SOX6: variants seen among roughly 807,000 people sequenced by gnomAD.
The protein encoded by SOX6 is SRY-box transcription factor 6, also known as transcription factor SOX-6.
In SOX6, 11 loss-of-function variants were observed where a neutral mutation model predicts 97.8. The observed-to-expected ratio is 0.11, with a 90% confidence interval of 0.07 to 0.19. The LOEUF is 0.19. Among genes scored for constraint, SOX6 ranks in the 10% least tolerant of loss-of-function variants. The pLI, the probability that SOX6 is intolerant of heterozygous loss-of-function variation, is 1.00. For missense variants in SOX6, 810 were observed against 1,039.5 expected (o/e 0.78, Z 3.04); for synonymous variants, 360 against 371.4 (o/e 0.97, Z 0.35).
intron 6 of SOX6, among the ~76,000 whole-genome samples, chr11:16,163,115 G>A: frequency 6.6e-6 from 1 of 150,954 alleles, no homozygotes; most frequent in Non-Finnish European, 1.5e-5. Context: ...AAAAGAGGAG[G>A]GAAGAGAAAA....
chr11:15,974,545 C>T (rs113707767), intron 15 of SOX6, among the ~76,000 whole-genome samples: 39,200 of 120,624 alleles, frequency 0.32, 7,624 homozygotes, highest in Non-Finnish European at 0.42. Flanking sequence ...CCCCCCTCCC[C>T]CGACCCGACC....
At chr11:16,395,397 C>T (rs139988094) in intron 1 of SOX6, among the ~76,000 whole-genome samples, 1 of 151,578 alleles carries the variant, frequency 6.6e-6, no homozygotes, top group East Asian at 1.9e-4. Flanking sequence ...TAAACAGGGA[C>T]CTGAAGAATG....
intron 4 of SOX6, among the ~76,000 whole-genome samples, chr11:16,556,712 T>C (rs1005804331): frequency 6.6e-6 from 1 of 151,822 alleles, no homozygotes; most frequent in Non-Finnish European, 1.5e-5. Flanking sequence ...TTCATTCAAA[T>C]TGCTGCTAAT....
At chr11:16,392,982 T>G (rs1242003058) in intron 1 of SOX6, among the ~76,000 whole-genome samples, 1 of 152,104 alleles carries the variant, frequency 6.6e-6, no homozygotes, top group Non-Finnish European at 1.5e-5. Flanking sequence ...GTCAAGTCCC[T>G]AATTCTTTCT....
chr11:16,665,776 T>C (rs1001002489), intron 3 of SOX6, among the ~76,000 whole-genome samples: 12 of 152,168 alleles, frequency 7.9e-5, no homozygotes, highest in African/African-American at 2.9e-4. Flanking sequence ...CCCAGTGCAG[T>C]CGCAGTGGTG....
chr11:16,717,710 A>G (rs145129675), intron 2 of SOX6, among the ~76,000 whole-genome samples: 1 of 152,272 alleles, frequency 6.6e-6, no homozygotes, highest in East Asian at 1.9e-4. Context: ...CTTGTTTGTA[A>G]ACAAGTTTAG....
chr11:16,466,510 G>A (rs1860035036), intron 1 of SOX6, among the ~76,000 whole-genome samples: 1 of 151,492 alleles, frequency 6.6e-6, no homozygotes, highest in Non-Finnish European at 1.5e-5. Flanking sequence ...TGCAACAAAA[G>A]AAACTATCGA....
chr11:16,074,787 T>C (rs1052976262), intron 9 of SOX6, among the ~76,000 whole-genome samples: 18 of 152,104 alleles, frequency 1.2e-4, no homozygotes, highest in African/African-American at 4.3e-4. Flanking sequence ...AAAATGGCCA[T>C]ACTGCCAAAA....
At chr11:15,984,828 A>G (rs576223203) in intron 15 of SOX6, among the ~76,000 whole-genome samples, 1 of 152,340 alleles carries the variant, frequency 6.6e-6, no homozygotes, top group South Asian at 2.1e-4. Flanking sequence ...GTGATAGGAA[A>G]TACATATTAA....
chr11:16,689,202 T>C (rs1316630521), intron 3 of SOX6, among the ~76,000 whole-genome samples: 1 of 152,178 alleles, frequency 6.6e-6, no homozygotes, highest in Non-Finnish European at 1.5e-5. Flanking sequence ...TGAAGACCCA[T>C]GGGGTACCCT....
intron 13 of SOX6, among the ~76,000 whole-genome samples, chr11:15,991,587 AT>A (rs1854053595): frequency 1.3e-5 from 2 of 152,218 alleles, no homozygotes; most frequent in Non-Finnish European, 2.9e-5. Context: ...TTTCAATATT[AT>A]TCTAAGTTAA....
In SOX6 at chr11:16,046,570, C is replaced by G. The variant is rs562385252; in HGVS notation, c.1567G>C (p.Asp523His). ...EQQQQQPHGVDGKLSSINNMG... is the reference protein window; with the variant it reads ...EQQQQQPHGVHGKLSSINNMG... Reference sequence around the variant, plus strand: ...TTATTTATGGAGGACAGTTTCCCGTCAACACCATGTGGCTGTTGCTGCTGT... The same window carrying G: ...TTATTTATGGAGGACAGTTTCCCGTGAACACCATGTGGCTGTTGCTGCTGT... The change falls in exon 12 of 16, where the codon GAC becomes CAC. Residue 523 changes from aspartate (D) to histidine (H), a missense_variant. Asp to His is a moderately conservative substitution (Grantham distance 81). Around this residue, in one of 9 missense-constraint regions of SOX6, gnomAD observed 120 missense variants for 127.0 expected, o/e 0.94. Coordinates refer to ENST00000683767, the MANE Select transcript of SOX6 (RefSeq NM_001367873.1). The G allele has an allele frequency of 6.2e-7, 1 of 1,613,768 alleles. No individual in the cohort carries two copies. The highest frequency in any genetic ancestry group is 1.3e-5 in the African/African-American group (1 of 75,026).
At chr11:16,216,886 G>T (rs1852388783) in intron 4 of SOX6, among the ~76,000 whole-genome samples, 1 of 152,114 alleles carries the variant, frequency 6.6e-6, no homozygotes, top group African/African-American at 2.4e-5. Context: ...ATCCATCTGG[G>T]AGGGCAACAG....
chr11:16,443,673 C>A (rs1016087294), intron 1 of SOX6, among the ~76,000 whole-genome samples: 4 of 151,842 alleles, frequency 2.6e-5, no homozygotes, highest in African/African-American at 9.7e-5. Flanking sequence ...ATCTTGCTAC[C>A]CTGATAGTGA....
At chr11:16,598,020 A>C (rs570353500) in intron 4 of SOX6, among the ~76,000 whole-genome samples, 9 of 152,174 alleles carry the variant, frequency 5.9e-5, no homozygotes, top group Admixed American at 5.9e-4. Context: ...ATTACATAGC[A>C]ATTATGTAGT....
At chr11:16,214,916 A>G (rs1459846031) in intron 4 of SOX6, among the ~76,000 whole-genome samples, 1 of 151,740 alleles carries the variant, frequency 6.6e-6, no homozygotes, top group Non-Finnish European at 1.5e-5. Flanking sequence ...CACCCAGCTA[A>G]TTTTTGTATT....
chr11:16,652,656 A>C (rs1847669968), intron 3 of SOX6, among the ~76,000 whole-genome samples: 1 of 152,190 alleles, frequency 6.6e-6, no homozygotes, highest in South Asian at 2.1e-4. Context: ...AAACCCTAAA[A>C]ATTCTAGAAG....
intron 4 of SOX6, among the ~76,000 whole-genome samples, chr11:16,524,864 G>C (rs1333502192): frequency 1.3e-5 from 2 of 152,154 alleles, no homozygotes; most frequent in Admixed American, 1.3e-4. Flanking sequence ...CATATCATGA[G>C]TGAACTCCCA....
intron 1 of SOX6, among the ~76,000 whole-genome samples, chr11:16,463,056 T>C (rs1375618840): frequency 2.0e-5 from 3 of 152,286 alleles, no homozygotes; most frequent in South Asian, 2.1e-4. Flanking sequence ...GGCCAAATAT[T>C]TGAGGTGCTC....
Sources: gnomAD v4.1 joint callset for allele counts (sites outside exome capture counted in the v4.1 genomes callset) on GRCh38, gnomAD v4.1.1 for gene constraint, gnomAD v4.1.1 regional missense constraint, MANE v1.5 for transcripts, NCBI Gene and HGNC (gene_info 2026-07-23, HGNC 2026-07-21) for gene names.